The following GRM8 variants were observed in gnomAD, a reference collection of about 807,000 sequenced individuals.
The protein encoded by GRM8 is metabotropic glutamate receptor 8.
Under a neutral mutation model 87.2 loss-of-function variants are expected in GRM8, and 47 were observed. The observed-to-expected ratio is 0.54, with a 90% CI of 0.43 to 0.69. The LOEUF (loss-of-function observed/expected upper bound fraction) is 0.69. GRM8 is among the 30% of genes least tolerant of loss of function. The probability of loss-of-function intolerance (pLI) is 0.00; values close to 1 mark genes in which losing one functional copy is unlikely to be tolerated. For synonymous variants in GRM8, 396 were observed against 404.5 expected, an observed-to-expected ratio of 0.98 and a Z score of 0.25; for missense variants, 1,019 against 1,139.2, an observed-to-expected ratio of 0.89 and a Z score of 1.52.
rs912610039 is a variant in GRM8 at position 127,209,420 on chromosome 7, A to G, written c.510+33275T>C. ...AGAGGAACATGAAAGTGACAGAAGG[A>G]CATTCATTCCAGAAACCCTGAGAAT... On this transcript the variant is annotated intron_variant, in intron 2 of 10. Transcript: ENST00000339582. Among the ~76,000 whole-genome samples the G allele has an allele frequency of 1.2e-3, 176 of 152,340 alleles. 1 individual carries two copies. The highest frequency in any genetic ancestry group is 5.3e-4 in the Non-Finnish European group (36 of 68,038).
intron 7 of GRM8, among the ~76,000 whole-genome samples, chr7:126,644,407 T>C (rs536770687): frequency 2.0e-5 from 3 of 152,284 alleles, no homozygotes; most frequent in Non-Finnish European, 2.9e-5. Context: ...CTTAAATATG[T>C]CTGATGCCGT....
intron 3 of GRM8, among the ~76,000 whole-genome samples, chr7:127,002,085 T>C (rs1289437660): frequency 6.6e-6 from 1 of 151,530 alleles, no homozygotes; most frequent in Non-Finnish European, 1.5e-5. Context: ...CATTTTTGGA[T>C]AATAAAAAGG....
intron 6 of GRM8, among the ~76,000 whole-genome samples, chr7:126,899,424 G>A (rs1801854462): frequency 1.3e-5 from 2 of 152,064 alleles, no homozygotes; most frequent in African/African-American, 2.4e-5. Flanking sequence ...CCTTTGTCCT[G>A]CTGACTCCCC....
At chr7:126,835,920 T>G (rs570119235) in intron 6 of GRM8, among the ~76,000 whole-genome samples, 20 of 152,330 alleles carry the variant, frequency 1.3e-4, no homozygotes, top group African/African-American at 4.6e-4. Context: ...GAATACTTGT[T>G]CAACATCTAG....
At chr7:126,877,537 C>T (rs1406563259) in intron 6 of GRM8, among the ~76,000 whole-genome samples, 1 of 152,222 alleles carries the variant, frequency 6.6e-6, no homozygotes, top group Non-Finnish European at 1.5e-5. Context: ...TTGGACAGTG[C>T]TAGTCTAGAC....
At chr7:126,646,802 G>A (rs950785548) in intron 7 of GRM8, among the ~76,000 whole-genome samples, 2 of 152,280 alleles carry the variant, frequency 1.3e-5, no homozygotes, top group African/African-American at 4.8e-5. Context: ...ACATAGCAAA[G>A]ATTCTACAGT....
At chr7:127,137,705 T>C (rs977817439) in intron 2 of GRM8, among the ~76,000 whole-genome samples, 1 of 152,128 alleles carries the variant, frequency 6.6e-6, no homozygotes, top group Non-Finnish European at 1.5e-5. Context: ...AAATTTAATT[T>C]GCTTTGCTAT....
intron 8 of GRM8, among the ~76,000 whole-genome samples, chr7:126,563,474 C>T (rs773170207): frequency 2.0e-5 from 3 of 152,098 alleles, no homozygotes; most frequent in Admixed American, 6.5e-5. Flanking sequence ...CTTTACTTTA[C>T]ATTCTAAGAG....
At chr7:126,490,116 T>A (rs1011349039) in intron 9 of GRM8, among the ~76,000 whole-genome samples, 6 of 152,100 alleles carry the variant, frequency 3.9e-5, no homozygotes, top group Non-Finnish European at 8.8e-5. Flanking sequence ...TAACTGCATA[T>A]GCAAATTCCC....
chr7:127,158,883 T>A (rs1792913936), intron 2 of GRM8, among the ~76,000 whole-genome samples: 1 of 151,986 alleles, frequency 6.6e-6, no homozygotes, highest in Non-Finnish European at 1.5e-5. Context: ...AAACAACTGG[T>A]TGTTTTCATT....
At chr7:127,123,672 G>GACA (rs1435781238) in intron 2 of GRM8, among the ~76,000 whole-genome samples, 1 of 152,006 alleles carries the variant, frequency 6.6e-6, no homozygotes. Context: ...AATGAACTAA[G>GACA]ACAACTTTAT....
intron 2 of GRM8, among the ~76,000 whole-genome samples, chr7:127,199,000 C>T (rs1795447244): frequency 1.3e-5 from 2 of 152,116 alleles, no homozygotes; most frequent in Non-Finnish European, 2.9e-5. Context: ...TGCCACCATG[C>T]CTGGCTAATT....
intron 8 of GRM8, among the ~76,000 whole-genome samples, chr7:126,567,380 G>A (rs1164149661): frequency 1.3e-5 from 2 of 150,850 alleles, no homozygotes; most frequent in African/African-American, 4.9e-5. Flanking sequence ...GACACAGGAA[G>A]GGGAACATCA....
chr7:126,990,021 A>G (rs955680235), intron 3 of GRM8, among the ~76,000 whole-genome samples: 5 of 152,112 alleles, frequency 3.3e-5, no homozygotes, highest in African/African-American at 1.2e-4. Flanking sequence ...TTGGATTAAA[A>G]CCTTAAAGAG....
Position 126,819,020 on chromosome 7 carries a change from G to A in GRM8, c.1157-48955C>T, listed in dbSNP as rs564000469. Reference sequence around the variant, plus strand: ...TCCCACTGCTAATACCCCAGTTCAGGCCCCCTTCAGCTCTCACCTGAACTG... The same window carrying A: ...TCCCACTGCTAATACCCCAGTTCAGACCCCCTTCAGCTCTCACCTGAACTG... On this transcript the variant is annotated intron_variant, in intron 6 of 10. Transcript: ENST00000339582. 1.3e-3 allele frequency among the ~76,000 whole-genome samples: 198 copies of A among 151,862 alleles called. 1 individual carries two copies. Among genetic ancestry groups the A allele is most frequent in the African/African-American group, 4.6e-3 (192 of 41,356 alleles).
intron 7 of GRM8, among the ~76,000 whole-genome samples, chr7:126,761,821 C>T (rs973002222): frequency 6.6e-6 from 1 of 152,212 alleles, no homozygotes; most frequent in Non-Finnish European, 1.5e-5. Context: ...CCTTCTCTGT[C>T]ATGAATACCT....
chr7:127,091,727 C>T (rs1824120810), intron 3 of GRM8, among the ~76,000 whole-genome samples: 2 of 144,398 alleles, frequency 1.4e-5, no homozygotes, highest in Admixed American at 6.9e-5. Flanking sequence ...ACTGATCATC[C>T]CCTCCTCCCA....
At chr7:126,492,625 C>G (rs1808155834) in intron 9 of GRM8, among the ~76,000 whole-genome samples, 1 of 151,978 alleles carries the variant, frequency 6.6e-6, no homozygotes, top group Non-Finnish European at 1.5e-5. Context: ...CAGTAACTAT[C>G]TGGTAACATT....
chr7:126,972,136 T>A (rs17865592), intron 3 of GRM8, among the ~76,000 whole-genome samples: 3 of 152,136 alleles, frequency 2.0e-5, no homozygotes, highest in African/African-American at 7.2e-5. Context: ...CAATTACCAC[T>A]ATCTTCATCC....
Sources: allele counts gnomAD v4.1 joint callset (sites outside exome capture counted in the v4.1 genomes callset), GRCh38; gene constraint gnomAD v4.1.1; transcripts MANE v1.5; gene names NCBI Gene and HGNC (gene_info 2026-07-23, HGNC 2026-07-21).